Variants in ANXA9 observed in about 807,000 individuals in gnomAD.
The protein encoded by ANXA9 is annexin A9, also known as annexin 31.
A neutral mutation model predicts 51.8 loss-of-function variants in ANXA9; 47 were observed. That is an observed-to-expected ratio of 0.91 (90% CI 0.72 to 1.16). The LOEUF (loss-of-function observed/expected upper bound fraction) is 1.16. ANXA9 is among the 50% of genes most tolerant of loss of function. The pLI is 0.00. For missense variants in ANXA9, 361 were observed against 424.7 expected, an observed-to-expected ratio of 0.85 and a Z score of 1.32; for synonymous variants, 154 against 168.7, an observed-to-expected ratio of 0.91 and a Z score of 0.68.
chr1:150,985,742 A>G (rs587754937), intron 7 of ANXA9, among the ~76,000 whole-genome samples: 75 of 151,948 alleles, frequency 4.9e-4, no homozygotes, highest in Non-Finnish European at 3.1e-4. Flanking sequence ...TAAATTTTGT[A>G]TTTTTTGTAG....
intron 6 of ANXA9, 80 bp downstream of exon 6, chr1:150,984,474 C>T: frequency 6.6e-7 from 1 of 1,522,140 alleles, no homozygotes; most frequent in Non-Finnish European, 9.1e-7. Flanking sequence ...CGAGAGTCCC[C>T]CTCTCGTCGT....
At chr1:150,987,427 G>A (rs762924325) in intron 9 of ANXA9, among the ~76,000 whole-genome samples, 5 of 150,706 alleles carry the variant, frequency 3.3e-5, no homozygotes, top group Non-Finnish European at 7.4e-5. Flanking sequence ...CCTAGTTTAC[G>A]GGTTAAAATA....
upstream of ANXA9, among the ~76,000 whole-genome samples, chr1:150,979,831 C>T (rs1330417385): frequency 1.3e-5 from 2 of 152,204 alleles, no homozygotes; most frequent in African/African-American, 4.8e-5. Context: ...TACTTAACAG[C>T]GCTGTGCCCA....
At position 150,988,105 on chromosome 1, in the gene ANXA9, C is replaced by T. The variant is rs1356743073; in HGVS notation, c.712C>T (p.Gln238Ter). ...ACACACACAAGTGTTTGATCAGTACCAGCGGAGCACTGGGCAAGAGCTGGA... is the reference window on the plus strand; with the variant it reads ...ACACACACAAGTGTTTGATCAGTACTAGCGGAGCACTGGGCAAGAGCTGGA... ...EHLIRVFDQY[Q>*]RSTGQELEEA... Residue 238 changes from glutamine to a stop codon, truncating the protein, a stop_gained, in exon 11 of 14, where the codon CAG becomes TAG. Transcript: ENST00000368947. LOFTEE classifies it high-confidence loss of function. 1.2e-6 allele frequency: 2 copies of T among 1,614,214 alleles called. No homozygotes were observed. The highest frequency in any genetic ancestry group is 1.7e-6 in the Non-Finnish European group (2 of 1,180,044).
chr1:150,990,347 C>T (rs1296264697), intron 12 of ANXA9, among the ~76,000 whole-genome samples: 1 of 144,922 alleles, frequency 6.9e-6, no homozygotes, highest in Non-Finnish European at 1.5e-5. Context: ...CAGAAAATAA[C>T]ATAGGCCCAT....
chr1:150,983,267 C>A, intron 3 of ANXA9, 71 bp from the exon 4 acceptor site: 1 of 1,596,680 alleles, frequency 6.3e-7, no homozygotes. Flanking sequence ...GGAGGACAGG[C>A]CCTGAGGTTA....
chr1:150,980,538 C>A (rs1671395714), upstream of ANXA9, among the ~76,000 whole-genome samples: 1 of 151,136 alleles, frequency 6.6e-6, no homozygotes, highest in Non-Finnish European at 1.5e-5. Flanking sequence ...CTTTACAGGG[C>A]ACTTTTCTCT....
Position 150,983,444 on chromosome 1 carries a change from T to A in ANXA9, c.172+10T>A. The A allele has an allele frequency of 1.2e-6, 2 of 1,600,782 alleles. No individual in the cohort carries two copies. Among genetic ancestry groups the A allele is most frequent in the Non-Finnish European group, 1.7e-6 (2 of 1,173,352 alleles). On this transcript the variant is annotated intron_variant, in intron 4 of 13. Coordinates refer to ENST00000368947, the MANE Select transcript of ANXA9 (RefSeq NM_003568.3). Reference sequence around the variant, plus strand: ...GCCATTACTGGCCAAGGTGAGCCCCTTTCCCCCGGCACTTGAGACTGCCTT... The same window carrying A: ...GCCATTACTGGCCAAGGTGAGCCCCATTCCCCCGGCACTTGAGACTGCCTT...
At chr1:150,985,925 T>C (rs955285062) in intron 7 of ANXA9, among the ~76,000 whole-genome samples, 6 of 152,098 alleles carry the variant, frequency 3.9e-5, no homozygotes, top group Non-Finnish European at 2.9e-5. Flanking sequence ...GTTTCCCTTT[T>C]CTCTTTCTTT....
At chr1:150,995,116 G>T (rs1288117798) in intron 13 of ANXA9, 144 bp from the exon 14 acceptor site, 7 of 820,526 alleles carry the variant, frequency 8.5e-6, no homozygotes, top group Non-Finnish European at 1.3e-5. Flanking sequence ...AGGAGTCTTT[G>T]GTTAATGTAG....
intron 12 of ANXA9, among the ~76,000 whole-genome samples, chr1:150,990,810 C>T (rs11587720): frequency 0.49 from 73,640 of 151,560 alleles, 19,921 homozygotes; most frequent in Non-Finnish European, 0.61. Flanking sequence ...GACGCCACTG[C>T]GCTCCAGTCT....
Position 150,983,020 on chromosome 1 carries a change from CG to C in ANXA9, c.-16-63del, listed in dbSNP as rs954842592. 93 of 1,192,054 alleles carry C rather than the reference CG, an allele frequency of 7.8e-5. 1 individual carries two copies. Among genetic ancestry groups the C allele is most frequent in the South Asian group, 7.6e-4 (56 of 73,394 alleles). The allele number at this position is 1,192,054 out of a possible 1,614,324, so 73.8% of individuals were successfully genotyped here. On this transcript the variant is annotated intron_variant, in intron 2 of 13. Transcript: ENST00000368947. ...GACTGGAACCCAGGGTCCAGGGTCT[CG>C]GGGGGGTCATAAGGAGTCCCTGAAG...
upstream of ANXA9, among the ~76,000 whole-genome samples, chr1:150,981,467 CG>C (rs1671415296): frequency 6.6e-6 from 1 of 152,162 alleles, no homozygotes; most frequent in African/African-American, 2.4e-5. Context: ...CATGGCGGGG[CG>C]GGGGCTCCAC....
Position 150,983,398 on chromosome 1 carries a change from G to C in ANXA9, c.136G>C (p.Asp46His). 6.2e-7 allele frequency: 1 copy of C among 1,613,860 alleles called. No individual in the cohort carries two copies. The highest frequency in any genetic ancestry group is 8.5e-7 in the Non-Finnish European group (1 of 1,179,872). Residue 46 changes from aspartate (D) to histidine (H), a missense_variant, in exon 4 of 14, where the codon GAT becomes CAT. Transcript: ENST00000368947. ...CTTCTTGAACTTCAGCGTGGACAAG[G>C]ATGCGCAGAGGCTACTGAGGGCCAT... ...RTFLNFSVDK[D>H]AQRLLRAITG...
At chr1:150,994,950 G>A (rs1671804046) in intron 13 of ANXA9, 2 of 433,680 alleles carry the variant, frequency 4.6e-6, no homozygotes, top group Non-Finnish European at 6.1e-6. Context: ...AAATTAGCCA[G>A]GCATGGTGGC....
At chr1:150,990,772 G>A (rs587675289) in intron 12 of ANXA9, among the ~76,000 whole-genome samples, 4 of 152,254 alleles carry the variant, frequency 2.6e-5, no homozygotes, top group Non-Finnish European at 5.9e-5. Context: ...CTCGAGCCTG[G>A]GAAGCAGAGG....
upstream of ANXA9, among the ~76,000 whole-genome samples, chr1:150,980,450 C>T (rs1186680189): frequency 2.0e-5 from 3 of 151,680 alleles, no homozygotes. Context: ...CTTGTACCAA[C>T]AAATGATTCC....
chr1:150,980,499 ATATT>A (rs1395588709), upstream of ANXA9, among the ~76,000 whole-genome samples: 1 of 150,906 alleles, frequency 6.6e-6, no homozygotes, highest in Admixed American at 6.6e-5. Context: ...CATGTCCTGT[ATATT>A]TATTTATTTA....
At chr1:150,981,309 C>A (rs980887397), upstream of ANXA9, among the ~76,000 whole-genome samples, 2 of 152,122 alleles carry the variant, frequency 1.3e-5, no homozygotes, top group African/African-American at 4.8e-5. Context: ...CCAGTGAAGG[C>A]CTTCCTGAGT....
Sources: gnomAD v4.1 joint callset for allele counts (sites outside exome capture counted in the v4.1 genomes callset) on GRCh38, gnomAD v4.1.1 for gene constraint, MANE v1.5 for transcripts, NCBI Gene and HGNC (gene_info 2026-07-23, HGNC 2026-07-21) for gene names.